Variants in STAC2 observed in about 807,000 individuals in gnomAD.
STAC2 encodes SH3 and cysteine-rich domain-containing protein 2.
A neutral mutation model predicts 49.0 loss-of-function variants in STAC2; 36 were observed. The observed-to-expected ratio is 0.74, with a 90% CI of 0.56 to 0.97. The LOEUF is 0.97. Among genes scored for constraint, STAC2 ranks in the 50% least tolerant of loss-of-function variants. The pLI is 0.00. For missense variants in STAC2, 527 were observed against 543.8 expected (o/e 0.97, Z 0.31); for synonymous variants, 239 against 214.7 (o/e 1.11, Z -0.99).
chr17:39,214,451 G>A (rs575006306), intron 7 of STAC2, 121 bp from the exon 8 acceptor site: 177 of 1,514,576 alleles, frequency 1.2e-4, no homozygotes, highest in Non-Finnish European at 1.4e-4. Flanking sequence ...CTAGGTCAAC[G>A]GCAGGGAGAA....
chr17:39,216,101 T>A (rs1254562587), intron 4 of STAC2, among the ~76,000 whole-genome samples: 1 of 152,144 alleles, frequency 6.6e-6, no homozygotes, highest in African/African-American at 2.4e-5. Flanking sequence ...ATCCTTCACA[T>A]CTCTGGGAAG....
At chr17:39,212,888 C>G in intron 10 of STAC2, 107 bp downstream of exon 10, 1 of 1,512,964 alleles carries the variant, frequency 6.6e-7, no homozygotes, top group South Asian at 1.3e-5. Context: ...CCTCAACTGC[C>G]AAGATCAGCC....
At chr17:39,224,323 AGGG>A (rs1245335028) in intron 1 of STAC2, among the ~76,000 whole-genome samples, 4 of 152,154 alleles carry the variant, frequency 2.6e-5, no homozygotes, top group African/African-American at 9.6e-5. Context: ...TACCGGGTGA[AGGG>A]GGAGGGAGGA....
At chr17:39,218,928 T>C (rs1235956708) in intron 1 of STAC2, among the ~76,000 whole-genome samples, 1 of 152,008 alleles carries the variant, frequency 6.6e-6, no homozygotes, top group Non-Finnish European at 1.5e-5. Flanking sequence ...TCCTGGACCC[T>C]CATCCTTGGG....
chr17:39,222,095 G>A (rs2046468630), intron 1 of STAC2, among the ~76,000 whole-genome samples: 1 of 152,172 alleles, frequency 6.6e-6, no homozygotes, highest in Non-Finnish European at 1.5e-5. Flanking sequence ...CTTGGCTCCA[G>A]AAAGGGCTAC....
In STAC2 at chr17:39,225,587, A is replaced by T; in HGVS notation, c.-85T>A. 3 of 1,310,340 alleles carry T rather than the reference A, an allele frequency of 2.3e-6. No homozygotes were observed. Among genetic ancestry groups the T allele is most frequent in the Non-Finnish European group, 3.2e-6 (3 of 928,578 alleles). 81.2% of individuals were successfully genotyped at this position (1,310,340 alleles called of 1,614,324 possible). The stretch of plus-strand genomic sequence containing the variant: ...GCTGCGGGTGGCGGGCGTCTCCGGG[A>T]CTCTGAAGCCGTTCTCCAGAGGCTG... On this transcript the variant is annotated 5_prime_UTR_variant, in exon 1 of 11. Coordinates refer to ENST00000333461, the MANE Select transcript of STAC2 (RefSeq NM_198993.5). This position sits in a 1 kb window ranked among gnomAD's most constrained non-coding sequence, Gnocchi z 8.2.
Position 39,214,782 on chromosome 17 carries a change from C to G in STAC2, c.843+9G>C. 6.2e-7 allele frequency: 1 copy of G among 1,613,708 alleles called. No homozygotes were observed. Among genetic ancestry groups the G allele is most frequent in the Non-Finnish European group, 8.5e-7 (1 of 1,179,788 alleles). ...CTGACCTTCCGGGCCAATGCCAGTA[C>G]AGGCTCACCTGCTGTCCAGGACTCT... On this transcript the variant is annotated intron_variant, in intron 7 of 10. Coordinates refer to ENST00000333461, the MANE Select transcript of STAC2 (RefSeq NM_198993.5).
intron 1 of STAC2, among the ~76,000 whole-genome samples, chr17:39,219,297 T>A (rs1200767182): frequency 6.6e-6 from 1 of 150,726 alleles, no homozygotes; most frequent in Non-Finnish European, 1.5e-5. Flanking sequence ...CATGCTTTTA[T>A]GCCTCTGAGC....
chr17:39,225,308 G>A lies in STAC2; in HGVS notation c.90+105C>T, dbSNP rs1398550005. 7.5e-6 allele frequency: 7 copies of A among 928,442 alleles called. No homozygotes were observed. The highest frequency in any genetic ancestry group is 1.1e-5 in the Non-Finnish European group (7 of 648,732). 57.5% of individuals were successfully genotyped at this position (928,442 alleles called of 1,614,324 possible). A position where few individuals can be genotyped will look rare whatever the true frequency, so the allele number is the denominator to read the frequency against. The stretch of plus-strand genomic sequence containing the variant: ...GCGCGGAGCCTCAGTGGTCACGCGG[G>A]CCTCGCGACCGCGACCCTAGGACGC... On this transcript the variant is annotated intron_variant, in intron 1 of 10. Transcript: ENST00000333461. This position sits in a 1 kb window ranked among gnomAD's most constrained non-coding sequence, Gnocchi z 8.2.
intron 7 of STAC2, 142 bp from the exon 8 acceptor site, chr17:39,214,472 C>T (rs536263118): frequency 1.5e-5 from 22 of 1,477,224 alleles, no homozygotes; most frequent in East Asian, 4.9e-5. Flanking sequence ...GTGAGACCCT[C>T]GTACATGCTA....
chr17:39,223,480 T>C (rs1457355039), intron 1 of STAC2, among the ~76,000 whole-genome samples: 3 of 152,152 alleles, frequency 2.0e-5, no homozygotes, highest in Non-Finnish European at 4.4e-5. Flanking sequence ...GTGTAACCCC[T>C]CCCCTCCCCT....
rs1464268131 is a variant in STAC2 at position 39,223,171 on chromosome 17, GC to G, written c.90+2241del. ...TGGCATCACTGCCTGAAGGGCATTGGCCCCCTCTGTTGTACCTGCCTCACAC... is the reference window on the plus strand; with the variant it reads ...TGGCATCACTGCCTGAAGGGCATTGGCCCCTCTGTTGTACCTGCCTCACAC... On this transcript the variant is annotated intron_variant, in intron 1 of 10. Transcript: ENST00000333461. Among the ~76,000 whole-genome samples the G allele has an allele frequency of 2.0e-5, 3 of 152,190 alleles. No homozygotes were observed. In the East Asian group the frequency reaches 5.8e-4, roughly 29 times the overall value.
Position 39,214,289 on chromosome 17 carries a change from G to A in STAC2, c.885C>T (p.Tyr295=). 2 of 1,614,096 alleles carry A rather than the reference G, an allele frequency of 1.2e-6. No homozygotes were observed. The highest frequency in any genetic ancestry group is 1.7e-6 in the Non-Finnish European group (2 of 1,179,982). ...ATLRKDVGPM[Y]SYVALYKFLP... is the part of the protein sequence containing the mutation. Reference sequence around the variant, plus strand: ...GAAACTTGTAGAGTGCAACGTAGGAGTACATGGGCCCCACATCCTTCCGCA... The same window carrying A: ...GAAACTTGTAGAGTGCAACGTAGGAATACATGGGCCCCACATCCTTCCGCA... Residue 295 remains tyrosine (Y), a synonymous_variant, in exon 8 of 11, where the codon TAC becomes TAT. Coordinates refer to ENST00000333461, the MANE Select transcript of STAC2 (RefSeq NM_198993.5).
At chr17:39,215,544 C>T (rs2046394742) in intron 4 of STAC2, among the ~76,000 whole-genome samples, 1 of 152,204 alleles carries the variant, frequency 6.6e-6, no homozygotes, top group South Asian at 2.1e-4. Flanking sequence ...ACTCTCTTGG[C>T]AACTGTCATG....
At chr17:39,213,268 C>T (rs772271970) in intron 9 of STAC2, 136 bp from the exon 10 acceptor site, 10 of 1,461,468 alleles carry the variant, frequency 6.8e-6, no homozygotes, top group Non-Finnish European at 9.2e-6. Flanking sequence ...ATTCCAGCCC[C>T]CAGCCAGGTG....
At position 39,225,471 on chromosome 17, in the gene STAC2, G is replaced by T; in HGVS notation, c.32C>A (p.Pro11Gln). The T allele has an allele frequency of 6.2e-7, 1 of 1,610,400 alleles. No individual in the cohort carries two copies. The highest frequency in any genetic ancestry group is 8.5e-7 in the Non-Finnish European group (1 of 1,178,822). The change falls in exon 1 of 11, where the codon CCG (proline) becomes CAG (glutamine). Residue 11 changes from proline to glutamine, a missense_variant. By Grantham distance (76) the Pro-to-Gln change is moderately conservative. Transcript: ENST00000333461. The surrounding 1 kb of genome is among the most constrained non-coding windows in gnomAD (Gnocchi z 8.2). The stretch of plus-strand genomic sequence containing the variant: ...GGGGCTGTGGGTGGCCGCGTCATCC[G>T]GTTCGTTCTCCTTCTCGCTCATCTC... MTEMSEKENEPDDAATHSPPG... is the reference protein window; with the variant it reads MTEMSEKENEQDDAATHSPPG...
chr17:39,215,361 G>C, intron 4 of STAC2, 131 bp from the exon 5 acceptor site: 1 of 897,480 alleles, frequency 1.1e-6, no homozygotes, highest in East Asian at 2.6e-5. Context: ...CCTCATCCCA[G>C]AGATGGCTCT....
intron 2 of STAC2, 39 bp from the exon 3 acceptor site, chr17:39,217,212 G>C (rs373031729): frequency 1.0e-5 from 16 of 1,594,520 alleles, no homozygotes; most frequent in Middle Eastern, 3.3e-4. Flanking sequence ...GGACACCCCC[G>C]TGGGCAACAG....
chr17:39,214,066 C>T (rs1389777201), intron 8 of STAC2, among the ~76,000 whole-genome samples, 167 bp downstream of exon 8: 1 of 152,058 alleles, frequency 6.6e-6, no homozygotes, highest in Non-Finnish European at 1.5e-5. Flanking sequence ...GGGCGGGAGA[C>T]ACGACATTAG....
Sources: gnomAD v4.1 joint callset for allele counts (sites outside exome capture counted in the v4.1 genomes callset) on GRCh38, gnomAD v4.1.1 for gene constraint, Gnocchi (gnomAD v3.1) non-coding constraint, MANE v1.5 for transcripts, NCBI Gene and HGNC (gene_info 2026-07-23, HGNC 2026-07-21) for gene names.